AMZ1: variants seen among roughly 807,000 people sequenced by gnomAD.
AMZ1 encodes the protein archaelysin family metallopeptidase 1, also known as archaemetzincin-1.
Under a neutral mutation model 29.9 loss-of-function variants are expected in AMZ1, and 39 were observed. That is an observed-to-expected ratio of 1.30 (90% CI 1.01 to 1.70). The LOEUF is 1.70. AMZ1 is among the 40% of genes most tolerant of loss of function. The pLI is 0.00. For synonymous variants in AMZ1, 458 were observed against 304.0 expected (o/e 1.51, Z -5.27); for missense variants, 1,041 against 680.6 (o/e 1.53, Z -5.89).
At chr7:2,704,278 G>A (rs1480053524) in intron 3 of AMZ1, among the ~76,000 whole-genome samples, 1 of 152,194 alleles carries the variant, frequency 6.6e-6, no homozygotes, top group East Asian at 1.9e-4. Flanking sequence ...TGAGGTGGGA[G>A]GATAGCTTGA....
intron 4 of AMZ1, among the ~76,000 whole-genome samples, chr7:2,727,834 G>A (rs535500345): frequency 5.9e-5 from 9 of 151,614 alleles, no homozygotes; most frequent in Admixed American, 2.0e-4. Context: ...GAGGTGGGCC[G>A]ATCACGAGGT....
intron 1 of AMZ1, among the ~76,000 whole-genome samples, chr7:2,696,756 G>T (rs975826258): frequency 8.6e-5 from 13 of 151,944 alleles, no homozygotes; most frequent in Non-Finnish European, 1.9e-4. Context: ...CATGGTGGTG[G>T]GTGCCTGTAG....
At chr7:2,692,113 G>C (rs141947811) in intron 1 of AMZ1, among the ~76,000 whole-genome samples, 234 of 152,330 alleles carry the variant, frequency 1.5e-3, no homozygotes, top group African/African-American at 5.4e-3. Flanking sequence ...AAATAAGCTG[G>C]TGAGTCTCCT....
At chr7:2,709,861 C>A (rs372301799) in intron 6 of AMZ1, 45 bp downstream of exon 6, 1 of 1,596,634 alleles carries the variant, frequency 6.3e-7, no homozygotes, top group African/African-American at 1.3e-5. Context: ...ACCTGCGCTC[C>A]GGAGGCCCGC....
In AMZ1 at chr7:2,680,606, C is replaced by T. The variant is rs150052856; in HGVS notation, c.-219+935C>T. On this transcript the variant is annotated intron_variant, in intron 1 of 6. Transcript: ENST00000312371. Reference sequence around the variant, plus strand: ...TCATTTTCACCCCCGACCCCAGCTCCGACTATGTGGGAGGTGGAGGTGATG... The same window carrying T: ...TCATTTTCACCCCCGACCCCAGCTCTGACTATGTGGGAGGTGGAGGTGATG... 2.2e-3 allele frequency among the ~76,000 whole-genome samples: 328 copies of T among 152,348 alleles called. 3 individuals carry two copies. The highest frequency in any genetic ancestry group is 7.4e-3 in the African/African-American group (308 of 41,588).
intron 2 of AMZ1, 191 bp from the exon 3 acceptor site, chr7:2,702,531 C>T: frequency 1.6e-6 from 1 of 616,880 alleles, no homozygotes; most frequent in Non-Finnish European, 2.8e-6. Flanking sequence ...CCTCTGTGTC[C>T]CTCGGTGTTT....
chr7:2,712,492 G>C lies in AMZ1; in HGVS notation c.1111G>C (p.Asp371His). 1.9e-6 allele frequency: 3 copies of C among 1,609,716 alleles called. No homozygotes were observed. The highest frequency in any genetic ancestry group is 2.5e-6 in the Non-Finnish European group (3 of 1,178,700). The part of the protein sequence containing the change: ...GTSVSEPLTP[D>H]AGSHTFASGP... ...CAGTGTGTCGGAGCCCCTCACCCCT[G>C]ATGCCGGGAGTCACACCTTCGCCTC... is the stretch of plus-strand genomic sequence containing the variant. Residue 371 changes from aspartate (D) to histidine (H), a missense_variant, in exon 7 of 7, where the codon GAT (aspartate) becomes CAT (histidine). Coordinates refer to ENST00000683327, the MANE Select transcript of AMZ1 (RefSeq NM_001384743.1).
At chr7:2,727,535 C>A (rs566452574) in intron 4 of AMZ1, among the ~76,000 whole-genome samples, 1 of 152,172 alleles carries the variant, frequency 6.6e-6, no homozygotes, top group Non-Finnish European at 1.5e-5. Flanking sequence ...ACCACCATGC[C>A]CAGCTGATTC....
chr7:2,740,296 T>C (rs1033842130), intron 4 of AMZ1, among the ~76,000 whole-genome samples: 2 of 152,158 alleles, frequency 1.3e-5, no homozygotes, highest in African/African-American at 4.8e-5. Context: ...GTGATGGTAT[T>C]TGGAGATGGG....
chr7:2,761,034 C>T (rs550993959), upstream of AMZ1, among the ~76,000 whole-genome samples: 14 of 152,288 alleles, frequency 9.2e-5, no homozygotes, highest in African/African-American at 3.1e-4. Context: ...TTGTTTTAGA[C>T]CCAAAACAAT....
intron 4 of AMZ1, among the ~76,000 whole-genome samples, chr7:2,726,814 G>A (rs1324319503): frequency 1.3e-5 from 2 of 152,210 alleles, no homozygotes; most frequent in African/African-American, 4.8e-5. Flanking sequence ...CCACGCCGAG[G>A]ACCGGACGGT....
intron 3 of AMZ1, among the ~76,000 whole-genome samples, chr7:2,703,745 T>G (rs1165322103): frequency 6.6e-6 from 1 of 152,212 alleles, no homozygotes; most frequent in Non-Finnish European, 1.5e-5. Flanking sequence ...CTCTGCCCCA[T>G]TCTCTTCTCT....
At chr7:2,728,714 A>G (rs759605593) in intron 4 of AMZ1, 10 of 147,522 alleles carry the variant, frequency 6.8e-5, no homozygotes, top group Non-Finnish European at 1.4e-4. Context: ...AAAACTGACT[A>G]GAGTCTATGT....
At chr7:2,684,211 C>G (rs537566596), upstream of AMZ1, among the ~76,000 whole-genome samples, 14 of 152,178 alleles carry the variant, frequency 9.2e-5, no homozygotes, top group African/African-American at 3.4e-4. Context: ...TTTACATTGT[C>G]TTGTTCCTCC....
upstream of AMZ1, among the ~76,000 whole-genome samples, chr7:2,686,963 T>C (rs1176276870): frequency 6.6e-6 from 1 of 151,554 alleles, no homozygotes; most frequent in Admixed American, 6.6e-5. Flanking sequence ...TCTGTCTGCC[T>C]CAGCCTCCCA....
In AMZ1 at chr7:2,700,502, G is replaced by C; in HGVS notation, c.51G>C (p.Leu17Phe). Residue 17 changes from leucine to phenylalanine, a missense_variant, in exon 2 of 7, where the codon TTG becomes TTC. Coordinates refer to ENST00000683327, the MANE Select transcript of AMZ1 (RefSeq NM_001384743.1). ...AQEFSFGPRA[L>F]KDALVSTDAA... ...AGTTCAGCTTCGGGCCCCGGGCCTT[G>C]AAGGACGCTCTGGTCTCCACTGACG... The C allele has an allele frequency of 6.2e-7, 1 of 1,605,858 alleles. No individual in the cohort carries two copies. Among genetic ancestry groups the C allele is most frequent in the Non-Finnish European group, 8.5e-7 (1 of 1,179,888 alleles).
chr7:2,692,355 A>AT (rs1787448284), intron 1 of AMZ1, among the ~76,000 whole-genome samples: 1 of 151,986 alleles, frequency 6.6e-6, no homozygotes, highest in Non-Finnish European at 1.5e-5. Flanking sequence ...CCTGGCTAAC[A>AT]CGTGAAACCC....
In AMZ1 at chr7:2,749,367, T is replaced by C. The variant is rs574101256; in HGVS notation, n.551-15345T>C. Among the ~76,000 whole-genome samples the C allele has an allele frequency of 5.1e-4, 78 of 152,216 alleles. 1 individual carries two copies. The highest frequency in any genetic ancestry group is 1.8e-3 in the African/African-American group (73 of 41,508). On this transcript the variant is annotated intron_variant and non_coding_transcript_variant, in intron 4 of 4. Transcript: ENST00000489665. ...TGAGTTCTTGTCCTTTGTAGGGACA[T>C]GGATGAAACTAGAAACCATCATTGT...
chr7:2,762,670 C>A, upstream of AMZ1: 1 of 1,597,336 alleles, frequency 6.3e-7, no homozygotes, highest in East Asian at 2.3e-5. Context: ...GAGGATAAAT[C>A]ATTTGGAAAG....
Sources: allele counts gnomAD v4.1 joint callset (sites outside exome capture counted in the v4.1 genomes callset), GRCh38; gene constraint gnomAD v4.1.1; transcripts MANE v1.5; gene names NCBI Gene and HGNC (gene_info 2026-07-23, HGNC 2026-07-21).